PHACTR1: variants seen among roughly 807,000 people sequenced by gnomAD.
PHACTR1 encodes the protein phosphatase and actin regulator 1.
A neutral mutation model predicts 69.2 loss-of-function variants in PHACTR1; 16 were observed. That is an observed-to-expected ratio of 0.23 (90% CI 0.16 to 0.35). The LOEUF (loss-of-function observed/expected upper bound fraction) is 0.35, where lower values mean the gene tolerates loss of function less well. Ranked by LOEUF, PHACTR1 falls within the 10% of genes least tolerant of loss-of-function variation. The pLI is 1.00. For synonymous variants in PHACTR1, 312 were observed against 284.5 expected (o/e 1.10, Z -0.97); for missense variants, 510 against 734.7 (o/e 0.69, Z 3.54).
chr6:13,186,309 C>G (rs899443425), intron 7 of PHACTR1, among the ~76,000 whole-genome samples: 6 of 152,176 alleles, frequency 3.9e-5, no homozygotes, highest in Non-Finnish European at 1.5e-5. Flanking sequence ...TTGTCACCTG[C>G]TTTTTGCACT....
chr6:12,907,831 A>T (rs1265379254), intron 4 of PHACTR1, among the ~76,000 whole-genome samples: 1 of 152,216 alleles, frequency 6.6e-6, no homozygotes, highest in African/African-American at 2.4e-5. Flanking sequence ...TGAGCTTTCA[A>T]GAAAGATGTC....
intron 5 of PHACTR1, among the ~76,000 whole-genome samples, chr6:13,141,781 G>A (rs1822530145): frequency 7.9e-6 from 1 of 126,346 alleles, no homozygotes; most frequent in African/African-American, 3.0e-5. Context: ...ATTGCAGTTA[G>A]GGTAAACATT....
rs191713200 is a variant in PHACTR1, at chr6:13,234,887, G to C, written c.1391+4694G>C. Among the ~76,000 whole-genome samples, 355 of 152,324 alleles carry C rather than the reference G, an allele frequency of 2.3e-3. 2 individuals are homozygous for C. Among genetic ancestry groups the C allele is most frequent in the African/African-American group, 8.1e-3 (338 of 41,576 alleles). ...AGACTTTGAACTTCAGGATGGCACA[G>C]AGGACCAAGGGGTGGTGAATGATGC... On this transcript the variant is annotated intron_variant, in intron 10 of 14. Transcript: ENST00000332995.
At chr6:13,062,675 A>C (rs1402263905) in intron 5 of PHACTR1, among the ~76,000 whole-genome samples, 3 of 152,150 alleles carry the variant, frequency 2.0e-5, no homozygotes, top group Non-Finnish European at 4.4e-5. Context: ...TCATTCCTCT[A>C]TCAGGAAACC....
intron 4 of PHACTR1, among the ~76,000 whole-genome samples, chr6:13,023,162 G>A (rs983800720): frequency 2.0e-5 from 3 of 152,104 alleles, no homozygotes; most frequent in African/African-American, 7.2e-5. Flanking sequence ...TTGCAGTGTT[G>A]GTCTTTTCAA....
intron 4 of PHACTR1, among the ~76,000 whole-genome samples, chr6:13,019,576 C>T (rs1800681421): frequency 6.6e-6 from 1 of 152,188 alleles, no homozygotes; most frequent in South Asian, 2.1e-4. Flanking sequence ...ACTTTGAGCT[C>T]ATATATAATT....
chr6:13,125,984 A>G (rs1312694957), intron 5 of PHACTR1, among the ~76,000 whole-genome samples: 3 of 152,208 alleles, frequency 2.0e-5, no homozygotes, highest in African/African-American at 7.2e-5. Context: ...TTTTGTATGA[A>G]GATATTTCCA....
intron 5 of PHACTR1, among the ~76,000 whole-genome samples, chr6:13,080,759 A>C (rs1414138547): frequency 6.6e-6 from 1 of 152,112 alleles, no homozygotes; most frequent in Non-Finnish European, 1.5e-5. Context: ...TAAAAAGAAA[A>C]CCTGGTAGAA....
In PHACTR1 at chr6:12,865,898, G is replaced by C. The variant is rs943414881; in HGVS notation, c.250+116108G>C. ...GCAGATGGCTCAATGATGAAGTTCA[G>C]TGGGAGAGCACTGCTTGGCCCTAGG... On this transcript the variant is annotated intron_variant, in intron 4 of 14. Transcript: ENST00000332995. Among the ~76,000 whole-genome samples the C allele has an allele frequency of 7.9e-5, 12 of 152,236 alleles. 1 individual carries two copies. In the South Asian group the frequency reaches 8.3e-4, roughly 11 times the overall value.
intron 5 of PHACTR1, among the ~76,000 whole-genome samples, chr6:13,103,654 G>A (rs1478364971): frequency 6.6e-6 from 1 of 152,192 alleles, no homozygotes; most frequent in Non-Finnish European, 1.5e-5. Flanking sequence ...GGAAAGTTGT[G>A]AAAATAGCAC....
Position 13,205,837 on chromosome 6 carries a change from G to A in PHACTR1, c.687G>A (p.Leu229=). The A allele has an allele frequency of 6.3e-7, 1 of 1,589,738 alleles. No individual in the cohort carries two copies. Among genetic ancestry groups the A allele is most frequent in the Non-Finnish European group, 8.6e-7 (1 of 1,161,038 alleles). Residue 229 remains leucine, a synonymous_variant, in exon 8 of 15, where the codon TTG becomes TTA. Coordinates refer to ENST00000332995, the MANE Select transcript of PHACTR1 (RefSeq NM_030948.6). ...DGPDPGAPVK[L]PCLPVKLSPP... Reference sequence around the variant, plus strand: ...CAGATCCTGGCGCCCCTGTGAAATTGCCTTGTCTGCCAGTGAAACTGTCGC... The same window carrying A: ...CAGATCCTGGCGCCCCTGTGAAATTACCTTGTCTGCCAGTGAAACTGTCGC...
At position 12,985,528 on chromosome 6, in the gene PHACTR1, T is replaced by TA. The variant is rs149850503; in HGVS notation, c.251-67823dup. On this transcript the variant is annotated intron_variant, in intron 4 of 14. Transcript: ENST00000332995. ...CAGAAGTTTGTAAAGTACTACAAAT[T>TA]AAAAAAAAAAAAAATATATATATAT... Among the ~76,000 whole-genome samples, 1,094 of 134,868 alleles carry TA rather than the reference T, an allele frequency of 8.1e-3. 19 individuals are homozygous for TA. Among genetic ancestry groups the TA allele is most frequent in the East Asian group, 0.029 (136 of 4,614 alleles). The allele number at this position is 134,868 out of a possible 152,430, so 88.5% of individuals were successfully genotyped here.
intron 5 of PHACTR1, among the ~76,000 whole-genome samples, chr6:13,131,190 C>T (rs1225764896): frequency 2.2e-3 from 133 of 60,848 alleles, no homozygotes; most frequent in African/African-American, 8.7e-3. Flanking sequence ...CACACACACA[C>T]ACATATATAT....
chr6:13,188,274 A>T (rs1019920643), intron 7 of PHACTR1, among the ~76,000 whole-genome samples: 2 of 152,204 alleles, frequency 1.3e-5, no homozygotes, highest in East Asian at 3.8e-4. Context: ...AGACTTGCTT[A>T]ATTTTTATAA....
At chr6:12,834,923 C>T (rs550300594) in intron 4 of PHACTR1, among the ~76,000 whole-genome samples, 1 of 152,128 alleles carries the variant, frequency 6.6e-6, no homozygotes, top group Non-Finnish European at 1.5e-5. Context: ...GCATCTGTAC[C>T]TCTTCAAATA....
intron 10 of PHACTR1, among the ~76,000 whole-genome samples, chr6:13,270,176 G>A (rs192142063): frequency 6.6e-6 from 1 of 152,308 alleles, no homozygotes; most frequent in East Asian, 1.9e-4. Flanking sequence ...ACAGAACTCA[G>A]GGAAACACTT....
intron 4 of PHACTR1, among the ~76,000 whole-genome samples, chr6:12,805,261 C>T (rs1417760636): frequency 6.6e-6 from 1 of 152,136 alleles, no homozygotes. Flanking sequence ...TTTTAGGTGC[C>T]AAACTCTTTA....
intron 4 of PHACTR1, among the ~76,000 whole-genome samples, chr6:12,802,127 TA>T (rs1773776865): frequency 6.7e-6 from 1 of 148,786 alleles, no homozygotes; most frequent in African/African-American, 2.4e-5. Flanking sequence ...TGTACTTTAT[TA>T]TATAAAATAA....
Position 12,761,213 on chromosome 6 carries a change from T to G in PHACTR1, c.250+11423T>G, listed in dbSNP as rs182088624. On this transcript the variant is annotated intron_variant, in intron 4 of 14. Coordinates refer to ENST00000332995, the MANE Select transcript of PHACTR1 (RefSeq NM_030948.6). The stretch of plus-strand genomic sequence containing the variant: ...GCCATACAAAGGCAAGAAACAGATG[T>G]GGTCTGGGTGAATGGGACAGCTTTA... Among the ~76,000 whole-genome samples the G allele has an allele frequency of 9.8e-5, 15 of 152,348 alleles. No individual in the cohort carries two copies. The East Asian group carries it at 2.9e-3, about 29-fold the overall frequency.
Sources: allele counts gnomAD v4.1 joint callset (sites outside exome capture counted in the v4.1 genomes callset), GRCh38; gene constraint gnomAD v4.1.1; transcripts MANE v1.5; gene names NCBI Gene and HGNC (gene_info 2026-07-23, HGNC 2026-07-21).